Variants in PTN observed in about 807,000 individuals in gnomAD.
PTN encodes the protein heparin affin regulatory protein.
PTN carries 18 observed loss-of-function variants against 24.1 expected under a neutral mutation model. The ratio of observed to expected loss-of-function variants is 0.75; its 90% CI spans 0.52 to 1.11. The LOEUF is 1.11. Among genes scored for constraint, PTN ranks in the 50% least tolerant of loss-of-function variants. PTN has a pLI of 0.00. For synonymous variants in PTN, 78 were observed against 68.6 expected (o/e 1.14, Z -0.67); for missense variants, 163 against 198.8 (o/e 0.82, Z 1.08).
At chr7:137,294,132 TC>T (rs1313715479) in intron 1 of PTN, among the ~76,000 whole-genome samples, 2 of 152,154 alleles carry the variant, frequency 1.3e-5, no homozygotes, top group Non-Finnish European at 2.9e-5. Context: ...CATAAAGCCT[TC>T]CATATTTTAG....
intron 2 of PTN, among the ~76,000 whole-genome samples, chr7:137,254,073 G>A (rs765015141): frequency 2.1e-4 from 32 of 152,130 alleles, no homozygotes; most frequent in Non-Finnish European, 4.1e-4. Context: ...GTCGAAGCAG[G>A]CAGATCACAA....
chr7:137,238,810 C>G (rs530393682), intron 4 of PTN, among the ~76,000 whole-genome samples: 6 of 152,228 alleles, frequency 3.9e-5, no homozygotes, highest in African/African-American at 1.4e-4. Flanking sequence ...TAATGCCTGT[C>G]ATATCATAAA....
intron 1 of PTN, among the ~76,000 whole-genome samples, chr7:137,306,695 AATTT>A (rs1809894710): frequency 6.6e-6 from 1 of 152,120 alleles, no homozygotes; most frequent in Non-Finnish European, 1.5e-5. Context: ...ATGTATTCAC[AATTT>A]ATTTACCTCC....
intron 1 of PTN, among the ~76,000 whole-genome samples, chr7:137,314,590 C>T (rs867639043): frequency 8.1e-6 from 1 of 124,184 alleles, no homozygotes; most frequent in African/African-American, 2.7e-5. Flanking sequence ...CAGTCTTTTA[C>T]ATGATGCTTT....
chr7:137,240,914 A>G (rs1238598682), intron 4 of PTN, among the ~76,000 whole-genome samples: 3 of 152,184 alleles, frequency 2.0e-5, no homozygotes, highest in African/African-American at 4.8e-5. Context: ...AGGTATATGT[A>G]TTAGTTCATT....
At chr7:137,336,052 G>T (rs1401219328) in intron 1 of PTN, among the ~76,000 whole-genome samples, 1 of 151,502 alleles carries the variant, frequency 6.6e-6, no homozygotes, top group Admixed American at 6.6e-5. Context: ...TGTGTGTCCT[G>T]AGAAAATGAC....
intron 3 of PTN, 21 bp downstream of exon 3, chr7:137,253,443 A>AGC (rs1808863470): frequency 6.3e-7 from 1 of 1,582,962 alleles, no homozygotes; most frequent in Non-Finnish European, 8.6e-7. Context: ...TAGGAGATTA[A>AGC]CTCAGTAGCA....
In PTN at chr7:137,317,792, C is replaced by T. The variant is rs542314134; in HGVS notation, c.-2+25647G>A. On this transcript the variant is annotated intron_variant, in intron 1 of 4. Coordinates refer to ENST00000348225, the MANE Select transcript of PTN (RefSeq NM_002825.7). ...GTGGGGGAAGGCGTCGTCCCTCTCT[C>T]AAATATTATAGTTTATAGTCTTTGC... 2.0e-5 allele frequency among the ~76,000 whole-genome samples: 3 copies of T among 152,170 alleles called. No individual in the cohort carries two copies. The South Asian group carries it at 6.2e-4, about 32-fold the overall frequency.
chr7:137,250,905 CT>C (rs1376237097), intron 4 of PTN, among the ~76,000 whole-genome samples: 77 of 152,064 alleles, frequency 5.1e-4, no homozygotes, highest in Non-Finnish European at 1.8e-4. Flanking sequence ...GTTTGTTTTT[CT>C]TGTCAGGATA....
At chr7:137,304,950 C>T (rs991348654) in intron 1 of PTN, among the ~76,000 whole-genome samples, 18 of 151,964 alleles carry the variant, frequency 1.2e-4, no homozygotes, top group South Asian at 2.1e-4. Flanking sequence ...AAAGTTATAG[C>T]GGCCGTATTA....
chr7:137,332,621 T>C (rs1026499693), intron 1 of PTN, among the ~76,000 whole-genome samples: 1 of 152,234 alleles, frequency 6.6e-6, no homozygotes, highest in Non-Finnish European at 1.5e-5. Flanking sequence ...CTGTTTTCTC[T>C]CCTCTAGCAG....
chr7:137,315,829 T>A (rs530070667), intron 1 of PTN, among the ~76,000 whole-genome samples: 1 of 152,100 alleles, frequency 6.6e-6, no homozygotes, highest in African/African-American at 2.4e-5. Flanking sequence ...GGAGGTGGCA[T>A]TACATGCTGG....
At chr7:137,250,954 A>G (rs1249178034) in intron 4 of PTN, among the ~76,000 whole-genome samples, 1 of 152,220 alleles carries the variant, frequency 6.6e-6, no homozygotes, top group Non-Finnish European at 1.5e-5. Context: ...TGGTCATCAT[A>G]CAACTGTCTT....
At chr7:137,307,851 T>C (rs2128879412) in intron 1 of PTN, among the ~76,000 whole-genome samples, 1 of 152,236 alleles carries the variant, frequency 6.6e-6, no homozygotes, top group East Asian at 1.9e-4. Flanking sequence ...TGTACCCTTG[T>C]ACTCTGTTTC....
intron 4 of PTN, among the ~76,000 whole-genome samples, chr7:137,239,025 G>C (rs1388229489): frequency 6.6e-6 from 1 of 152,198 alleles, no homozygotes. Flanking sequence ...TGAGTACACA[G>C]CTAATGACCC....
At chr7:137,316,187 C>T (rs1810069316) in intron 1 of PTN, among the ~76,000 whole-genome samples, 1 of 152,166 alleles carries the variant, frequency 6.6e-6, no homozygotes, top group Non-Finnish European at 1.5e-5. Flanking sequence ...CCAAGATTCT[C>T]TCTTCAGGTC....
At chr7:137,274,586 A>AT (rs1809332964) in intron 1 of PTN, among the ~76,000 whole-genome samples, 2 of 151,892 alleles carry the variant, frequency 1.3e-5, no homozygotes, top group African/African-American at 2.4e-5. Flanking sequence ...TCAGAACAGT[A>AT]TTTTTTTAAA....
intron 1 of PTN, among the ~76,000 whole-genome samples, chr7:137,271,315 C>T (rs546010794): frequency 1.3e-5 from 2 of 152,218 alleles, no homozygotes; most frequent in South Asian, 2.1e-4. Context: ...TGTTCTTTTC[C>T]CATGTGTTCT....
chr7:137,254,775 A>G, intron 2 of PTN, 84 bp downstream of exon 2: 1 of 854,982 alleles, frequency 1.2e-6, no homozygotes, highest in South Asian at 3.1e-5. Context: ...GAGGCAGAGT[A>G]GAAGAGAGGA....
Sources: allele counts gnomAD v4.1 joint callset (sites outside exome capture counted in the v4.1 genomes callset), GRCh38; gene constraint gnomAD v4.1.1; transcripts MANE v1.5; gene names NCBI Gene and HGNC (gene_info 2026-07-23, HGNC 2026-07-21).